The following PARM1 variants were observed in gnomAD, a reference collection of about 807,000 sequenced individuals.
PARM1 encodes WSC4, cell wall integrity and stress response component 4 homolog.
PARM1 carries 14 observed loss-of-function variants against 24.6 expected under a neutral mutation model. That is an observed-to-expected ratio of 0.57 (90% confidence interval 0.38 to 0.89). The LOEUF (loss-of-function observed/expected upper bound fraction) is 0.89. Among genes scored for constraint, PARM1 ranks in the 40% least tolerant of loss-of-function variants. PARM1 has a pLI of 0.00. For synonymous variants in PARM1, 179 were observed against 156.6 expected, an observed-to-expected ratio of 1.14 and a Z score of -1.07; for missense variants, 362 against 380.4, an observed-to-expected ratio of 0.95 and a Z score of 0.40.
At chr4:75,022,289 T>A (rs780788306) in intron 2 of PARM1, among the ~76,000 whole-genome samples, 4 of 152,220 alleles carry the variant, frequency 2.6e-5, no homozygotes, top group Admixed American at 1.3e-4. Flanking sequence ...TAAAACAAGA[T>A]AAACTCTCAT....
intron 1 of PARM1, among the ~76,000 whole-genome samples, chr4:74,935,072 G>T (rs1235443424): frequency 7.2e-6 from 1 of 138,304 alleles, no homozygotes; most frequent in Non-Finnish European, 1.5e-5. Context: ...TATCACCCTT[G>T]ACCCACCGCT....
chr4:74,939,028 C>T (rs1330578025), intron 1 of PARM1, among the ~76,000 whole-genome samples: 1 of 152,126 alleles, frequency 6.6e-6, no homozygotes, highest in East Asian at 1.9e-4. Context: ...ATTCTAAGTA[C>T]ATTCTATGCA....
intron 2 of PARM1, among the ~76,000 whole-genome samples, chr4:75,024,848 G>C (rs55915250): frequency 6.6e-6 from 1 of 152,048 alleles, no homozygotes; most frequent in Non-Finnish European, 1.5e-5. Flanking sequence ...ACAGGTGTCC[G>C]CCACCACGCC....
intron 1 of PARM1, among the ~76,000 whole-genome samples, chr4:74,955,061 C>T (rs1721605276): frequency 6.6e-6 from 1 of 152,066 alleles, no homozygotes; most frequent in Non-Finnish European, 1.5e-5. Context: ...GCTTTCTTGC[C>T]ATATGACATC....
intron 1 of PARM1, among the ~76,000 whole-genome samples, chr4:75,005,391 A>G (rs999377145): frequency 6.6e-6 from 1 of 152,196 alleles, no homozygotes; most frequent in African/African-American, 2.4e-5. Flanking sequence ...CAACACAGAA[A>G]ATCAGGCTGT....
intron 1 of PARM1, among the ~76,000 whole-genome samples, chr4:75,012,220 C>T (rs1025808029): frequency 5.3e-5 from 8 of 152,156 alleles, no homozygotes; most frequent in Non-Finnish European, 1.0e-4. Context: ...TACTGAGTTT[C>T]GGGCGAGTTC....
intron 3 of PARM1, among the ~76,000 whole-genome samples, chr4:75,038,691 C>T (rs998467316): frequency 3.3e-5 from 5 of 152,160 alleles, no homozygotes; most frequent in Non-Finnish European, 5.9e-5. Flanking sequence ...GTCTTTATGC[C>T]AGGGCTTGTT....
rs1019598782 is a variant in PARM1, at chr4:74,939,515, CT to C, written c.43+6154del. Among the ~76,000 whole-genome samples, 7 of 151,226 alleles carry C rather than the reference CT, an allele frequency of 4.6e-5. No individual in the cohort carries two copies. In the East Asian group the frequency reaches 1.2e-3, roughly 25 times the overall value. On this transcript the variant is annotated intron_variant, in intron 1 of 3. Transcript: ENST00000307428. The stretch of plus-strand genomic sequence containing the variant: ...GCTGGGACTCGAAGCCTTCTGTACT[CT>C]TTTTTTTTAAAAGAAAGTTATGATT...
At chr4:75,002,382 G>A (rs1465860163) in intron 1 of PARM1, among the ~76,000 whole-genome samples, 8 of 152,110 alleles carry the variant, frequency 5.3e-5, no homozygotes, top group Non-Finnish European at 8.8e-5. Context: ...GCCACCCCTC[G>A]ACTAGGCAAC....
Position 75,046,164 on chromosome 4 carries a change from C to T in PARM1, c.850C>T (p.His284Tyr), listed in dbSNP as rs199517158. ...FGVAAYLKIR[H>Y]SSYGRLLDDH... ...AACCCTCTTCTGTTTCTCCACCAGG[C>T]ATTCCTCCTATGGAAGACTTTTGGA... The change falls in exon 4 of 4, where the codon CAT (histidine) becomes TAT (tyrosine). Residue 284 changes from histidine (H) to tyrosine (Y), a missense_variant and splice_region_variant. His to Tyr is a moderately conservative substitution (Grantham distance 83). Transcript: ENST00000307428. The T allele has an allele frequency of 1.8e-3, 2,886 of 1,608,154 alleles. 9 individuals carry two copies. The highest frequency in any genetic ancestry group is 2.3e-3 in the Non-Finnish European group (2,652 of 1,174,636).
intron 1 of PARM1, among the ~76,000 whole-genome samples, chr4:74,977,514 A>G (rs1307689958): frequency 1.3e-5 from 2 of 152,234 alleles, no homozygotes; most frequent in African/African-American, 4.8e-5. Flanking sequence ...AGAGACAAGG[A>G]GAATGGACCC....
At position 75,046,272 on chromosome 4, in the gene PARM1, G is replaced by T. The variant is rs1463235692; in HGVS notation, c.*25G>T. On this transcript the variant is annotated 3_prime_UTR_variant, in exon 4 of 4. Coordinates refer to ENST00000307428, the MANE Select transcript of PARM1 (RefSeq NM_015393.4). ...ACAATGGAATATGGCCTGGGATGAG[G>T]ATTAACTGTTCTTTATTTATAAGTG... 2.1e-6 allele frequency: 3 copies of T among 1,429,122 alleles called. No homozygotes were observed. Among genetic ancestry groups the T allele is most frequent in the Non-Finnish European group, 3.0e-6 (3 of 1,012,356 alleles). 88.5% of individuals were successfully genotyped at this position (1,429,122 alleles called of 1,614,324 possible).
chr4:75,032,499 C>A (rs757486098), intron 2 of PARM1, among the ~76,000 whole-genome samples: 1 of 152,136 alleles, frequency 6.6e-6, no homozygotes, highest in Non-Finnish European at 1.5e-5. Context: ...CTAAAATAAT[C>A]TACAGTGATA....
chr4:74,944,846 T>C (rs1721380686), intron 1 of PARM1, among the ~76,000 whole-genome samples: 1 of 152,222 alleles, frequency 6.6e-6, no homozygotes, highest in Non-Finnish European at 1.5e-5. Context: ...CTTGTTTCAA[T>C]GACGGTTTTT....
At chr4:74,994,513 T>TA (rs995184769) in intron 1 of PARM1, among the ~76,000 whole-genome samples, 2 of 152,004 alleles carry the variant, frequency 1.3e-5, no homozygotes, top group South Asian at 2.1e-4. Flanking sequence ...ATAAATCAAT[T>TA]AAAAAACAAT....
intron 1 of PARM1, among the ~76,000 whole-genome samples, chr4:74,952,130 C>G (rs1402164335): frequency 6.6e-6 from 1 of 152,206 alleles, no homozygotes; most frequent in East Asian, 1.9e-4. Flanking sequence ...GATTGCCATT[C>G]TAACTGGCAT....
chr4:74,980,268 T>C (rs1722222436), intron 1 of PARM1, among the ~76,000 whole-genome samples: 1 of 152,084 alleles, frequency 6.6e-6, no homozygotes, highest in Non-Finnish European at 1.5e-5. Flanking sequence ...TTCAGCAAAG[T>C]CTCAGGGTAC....
chr4:75,015,319 A>G (rs927085404), intron 2 of PARM1, among the ~76,000 whole-genome samples: 1 of 152,154 alleles, frequency 6.6e-6, no homozygotes, highest in Non-Finnish European at 1.5e-5. Context: ...AGAGGCCCCA[A>G]ATTGGTGGCA....
intron 3 of PARM1, among the ~76,000 whole-genome samples, chr4:75,045,076 G>A (rs1257619791): frequency 2.0e-5 from 3 of 152,152 alleles, no homozygotes; most frequent in South Asian, 2.1e-4. Flanking sequence ...GTTAAGGAAG[G>A]CCTCACTGAG....
Sources: gnomAD v4.1 joint callset for allele counts (sites outside exome capture counted in the v4.1 genomes callset) on GRCh38, gnomAD v4.1.1 for gene constraint, MANE v1.5 for transcripts, NCBI Gene and HGNC (gene_info 2026-07-23, HGNC 2026-07-21) for gene names.